The following CMSS1 variants were observed in gnomAD, a reference collection of about 807,000 sequenced individuals.
CMSS1 encodes the protein cms1 ribosomal small subunit homolog.
CMSS1 carries 33 observed loss-of-function variants against 43.5 expected under a neutral mutation model. The observed-to-expected ratio is 0.76, with a 90% CI of 0.57 to 1.01. The LOEUF (loss-of-function observed/expected upper bound fraction) is 1.01, where lower values mean the gene tolerates loss of function less well. Ranked by LOEUF, CMSS1 falls within the 50% of genes least tolerant of loss-of-function variation. The pLI, the probability that CMSS1 is intolerant of heterozygous loss-of-function variation, is 0.00. For synonymous variants in CMSS1, 115 were observed against 117.2 expected (o/e 0.98, Z 0.12); for missense variants, 313 against 326.4 (o/e 0.96, Z 0.32).
chr3:100,171,384 A>T (rs2067108673), intron 6 of CMSS1, among the ~76,000 whole-genome samples: 1 of 151,434 alleles, frequency 6.6e-6, no homozygotes, highest in Non-Finnish European at 1.5e-5. Flanking sequence ...GGCTTCCCTC[A>T]TGGCCACCAC....
chr3:99,992,817 A>AT (rs1709563024), intron 1 of CMSS1, among the ~76,000 whole-genome samples: 1 of 152,040 alleles, frequency 6.6e-6, no homozygotes, highest in Admixed American at 6.6e-5. Flanking sequence ...TTAGATCTTT[A>AT]ATCCATCTTG....
At chr3:99,992,192 G>A (rs1164995609) in intron 1 of CMSS1, among the ~76,000 whole-genome samples, 2 of 152,002 alleles carry the variant, frequency 1.3e-5, no homozygotes, top group Non-Finnish European at 2.9e-5. Flanking sequence ...TCCCAGTAGT[G>A]AAATTGCTGA....
chr3:99,946,575 A>C (rs1708014488), intron 1 of CMSS1, among the ~76,000 whole-genome samples: 1 of 152,220 alleles, frequency 6.6e-6, no homozygotes, highest in Non-Finnish European at 1.5e-5. Context: ...ACAGACTGTT[A>C]ATCTGAAAAA....
intron 1 of CMSS1, among the ~76,000 whole-genome samples, chr3:100,092,548 A>G (rs1402267853): frequency 1.3e-5 from 2 of 151,420 alleles, no homozygotes; most frequent in African/African-American, 4.9e-5. Context: ...GCATGTGTAT[A>G]TCTTGTATTT....
chr3:100,127,064 T>C (rs1354869301), intron 1 of CMSS1, among the ~76,000 whole-genome samples: 1 of 152,128 alleles, frequency 6.6e-6, no homozygotes, highest in Non-Finnish European at 1.5e-5. Flanking sequence ...CAGGCAGCTA[T>C]GCACGTCTCA....
At chr3:100,155,596 C>T (rs776778818) in intron 2 of CMSS1, among the ~76,000 whole-genome samples, 1 of 152,190 alleles carries the variant, frequency 6.6e-6, no homozygotes, top group Non-Finnish European at 1.5e-5. Flanking sequence ...TCAGCACCCT[C>T]CTGGGCTGGA....
At chr3:100,115,605 C>CTT in intron 1 of CMSS1, among the ~76,000 whole-genome samples, 1 of 145,356 alleles carries the variant, frequency 6.9e-6, no homozygotes, top group Non-Finnish European at 1.5e-5. Context: ...CTCTCTCTCT[C>CTT]TCTCTCTCTC....
chr3:99,983,510 G>GTA (rs1312874010), intron 1 of CMSS1, among the ~76,000 whole-genome samples: 1 of 82,452 alleles, frequency 1.2e-5, no homozygotes, highest in African/African-American at 4.8e-5. Context: ...ATATATATAT[G>GTA]TATATATATA....
chr3:100,159,142 A>T (rs2067001649), intron 2 of CMSS1, among the ~76,000 whole-genome samples: 2 of 152,256 alleles, frequency 1.3e-5, no homozygotes, highest in African/African-American at 4.8e-5. Flanking sequence ...ATGTATCTAC[A>T]TCCACAAGAC....
intron 2 of CMSS1, 48 bp from the exon 3 acceptor site, chr3:100,160,382 A>G: frequency 1.0e-6 from 1 of 963,662 alleles, no homozygotes; most frequent in South Asian, 1.4e-5. Context: ...ACTAATTGAC[A>G]CTTTATCATG....
chr3:100,172,333 G>A lies in CMSS1; in HGVS notation c.597G>A (p.Lys199=), dbSNP rs1324421284. 1.9e-6 allele frequency: 3 copies of A among 1,613,906 alleles called. No homozygotes were observed. In the African/African-American group the frequency reaches 4.0e-5, roughly 22 times the overall value. ...AKHIKVQAQV[K]LLEKRVVHLG... Reference sequence around the variant, plus strand: ...TGGAACAGGTCCAGGCGCAGGTAAAGTTGCTGGAGAAGCGTGTGGTGCACC... The same window carrying A: ...TGGAACAGGTCCAGGCGCAGGTAAAATTGCTGGAGAAGCGTGTGGTGCACC... The change falls in exon 8 of 10, where the codon AAG becomes AAA. Residue 199 remains lysine (K), a synonymous_variant. Transcript: ENST00000421999.
Position 99,898,180 on chromosome 3 carries a change from G to A in CMSS1, c.64+80137G>A, listed in dbSNP as rs1576556736. On this transcript the variant is annotated intron_variant, in intron 1 of 9. Transcript: ENST00000421999. ...TTAGATATGATACAATATTTTTGTT[G>A]CATATTTTGACATTTTTGAAGGTTA... 3 of 151,986 alleles carry A rather than the reference G, an allele frequency of 2.0e-5. No individual in the cohort carries two copies. In the South Asian group the frequency reaches 6.2e-4, roughly 32 times the overall value. The allele number at this position is 151,986 out of a possible 1,614,324, so 9.4% of individuals were successfully genotyped here.
intron 1 of CMSS1, among the ~76,000 whole-genome samples, chr3:99,864,939 T>G (rs1448155967): frequency 1.3e-5 from 2 of 152,192 alleles, no homozygotes; most frequent in Non-Finnish European, 2.9e-5. Context: ...ATTCAATGAT[T>G]AGTCAATCAT....
At chr3:100,037,359 G>A (rs2065125480) in intron 1 of CMSS1, among the ~76,000 whole-genome samples, 2 of 152,032 alleles carry the variant, frequency 1.3e-5, no homozygotes, top group Admixed American at 6.5e-5. Flanking sequence ...GGTGAATATG[G>A]GTGAAGGGTA....
At position 99,827,730 on chromosome 3, in the gene CMSS1, G is replaced by A. The variant is rs77373792; in HGVS notation, c.64+9687G>A. Among the ~76,000 whole-genome samples the A allele has an allele frequency of 5.9e-5, 9 of 152,012 alleles. No individual in the cohort carries two copies. The South Asian group carries it at 6.2e-4, about 11-fold the overall frequency. On this transcript the variant is annotated intron_variant, in intron 1 of 9. Transcript: ENST00000421999. ...AGCAGATTCTTCTGCCTCAGCCTCC[G>A]GAGTAGCTGGGATTACAGGCATGCG...
chr3:99,983,477 T>C (rs1268256416), intron 1 of CMSS1, among the ~76,000 whole-genome samples: 4 of 17,440 alleles, frequency 2.3e-4, no homozygotes, highest in Admixed American at 5.9e-4. Context: ...TATATATATA[T>C]ATATATATAT....
intron 1 of CMSS1, among the ~76,000 whole-genome samples, chr3:99,887,902 T>G (rs1161530986): frequency 6.6e-6 from 1 of 151,972 alleles, no homozygotes; most frequent in Non-Finnish European, 1.5e-5. Context: ...CCACCACACC[T>G]GGCTAATTTT....
In CMSS1 at chr3:100,023,674, G is replaced by A. The variant is rs141867183; in HGVS notation, c.65-123299G>A. On this transcript the variant is annotated intron_variant, in intron 1 of 9. Coordinates refer to ENST00000421999, the MANE Select transcript of CMSS1 (RefSeq NM_032359.4). ...TCTAATTAGGTAAGGCTTGATTTATGGAGTTGGCCTCATATAAACCATGAT... is the reference window on the plus strand; with the variant it reads ...TCTAATTAGGTAAGGCTTGATTTATAGAGTTGGCCTCATATAAACCATGAT... 7.3e-3 allele frequency among the ~76,000 whole-genome samples: 1,105 copies of A among 152,086 alleles called. 19 individuals are homozygous for A. Among genetic ancestry groups the A allele is most frequent in the African/African-American group, 0.025 (1,018 of 41,472 alleles).
intron 1 of CMSS1, among the ~76,000 whole-genome samples, chr3:100,088,337 A>G (rs559957940): frequency 6.6e-6 from 1 of 152,328 alleles, no homozygotes; most frequent in South Asian, 2.1e-4. Flanking sequence ...ACGCTCAGAC[A>G]TTATGGAATA....
Sources: gnomAD v4.1 joint callset for allele counts (sites outside exome capture counted in the v4.1 genomes callset) on GRCh38, gnomAD v4.1.1 for gene constraint, MANE v1.5 for transcripts, NCBI Gene and HGNC (gene_info 2026-07-23, HGNC 2026-07-21) for gene names.